Variants in MAPK13 observed in about 807,000 individuals in gnomAD.
MAPK13 encodes mitogen-activated protein kinase 13.
In MAPK13, 39 loss-of-function variants were observed where a neutral mutation model predicts 53.5. The ratio of observed to expected loss-of-function variants is 0.73; its 90% CI spans 0.56 to 0.95. MAPK13 has a LOEUF of 0.95. Ranked by LOEUF, MAPK13 falls within the 40% of genes least tolerant of loss-of-function variation. The pLI, the probability that MAPK13 is intolerant of heterozygous loss-of-function variation, is 0.00. For missense variants in MAPK13, 460 were observed against 471.8 expected (o/e 0.98, Z 0.23); for synonymous variants, 179 against 190.9 (o/e 0.94, Z 0.51).
At chr6:36,132,500 C>A in intron 2 of MAPK13, 121 bp from the exon 3 acceptor site, 1 of 828,234 alleles carries the variant, frequency 1.2e-6, no homozygotes, top group Non-Finnish European at 2.1e-6. Flanking sequence ...TGGAGACATG[C>A]CTCCTGCTGG....
At chr6:36,139,262 T>A in intron 11 of MAPK13, 32 bp from the exon 12 acceptor site, 2 of 1,601,124 alleles carry the variant, frequency 1.2e-6, no homozygotes, top group Non-Finnish European at 1.7e-6. Context: ...CAGCACCTCT[T>A]TACGCACCTT....
At chr6:36,139,144 C>G in intron 11 of MAPK13, 89 bp downstream of exon 11, 1 of 1,442,660 alleles carries the variant, frequency 6.9e-7, no homozygotes, top group East Asian at 2.3e-5. Context: ...TCTGCCAGCC[C>G]TACCTGCCAC....
intron 5 of MAPK13, 79 bp downstream of exon 5, chr6:36,136,127 G>A (rs1766412249): frequency 8.9e-6 from 14 of 1,566,672 alleles, no homozygotes; most frequent in Non-Finnish European, 1.2e-5. Context: ...ATCAAGGAGT[G>A]GGAAAGTTGG....
rs1194799574 is a variant in MAPK13, at chr6:36,144,175, G to GAAT, written c.*4807_*4809dup. The stretch of plus-strand genomic sequence containing the variant: ...GCACCACCATGCCTGGCTAATTTCA[G>GAAT]AATAATATTTTCATACACATAAAAT... On this transcript the variant is annotated 3_prime_UTR_variant, in exon 12 of 12. Coordinates refer to ENST00000211287, the MANE Select transcript of MAPK13 (RefSeq NM_002754.5). The GAAT allele has an allele frequency of 1.3e-5, 2 of 152,014 alleles. No individual in the cohort carries two copies. The highest frequency in any genetic ancestry group is 4.8e-5 in the African/African-American group (2 of 41,362). 9.4% of individuals were successfully genotyped at this position (152,014 alleles called of 1,614,324 possible). A position where few individuals can be genotyped will look rare whatever the true frequency, so the allele number is the denominator to read the frequency against.
At position 36,131,414 on chromosome 6, in the gene MAPK13, GCCC is replaced by G. The variant is rs769357271; in HGVS notation, c.249+16_249+18del. ...CAGCATGAGAACGTAGGTGGTGGCT[GCCC>G]CGGGGAGGGGGTGGGGGCTGCCCTG... On this transcript the variant is annotated intron_variant, in intron 2 of 11. Transcript: ENST00000211287. 1 of 1,607,498 alleles carries G rather than the reference GCCC, an allele frequency of 6.2e-7. No homozygotes were observed. The highest frequency in any genetic ancestry group is 1.7e-5 in the Admixed American group (1 of 59,662).
At position 36,135,862 on chromosome 6, in the gene MAPK13, G is replaced by A; in HGVS notation, c.417+1G>A. The A allele has an allele frequency of 6.2e-7, 1 of 1,612,236 alleles. No individual in the cohort carries two copies. The highest frequency in any genetic ancestry group is 8.5e-7 in the Non-Finnish European group (1 of 1,178,332). ...GTATCAGATGCTCAAAGGCCTTAAG[G>A]TGGGTGGGGACTTGGAGGCTGGCAG... is the stretch of plus-strand genomic sequence containing the variant. On this transcript the variant is annotated splice_donor_variant, in intron 4 of 11. Transcript: ENST00000211287. LOFTEE classifies it high-confidence loss of function.
intron 8 of MAPK13, 71 bp from the exon 9 acceptor site, chr6:36,138,294 T>G: frequency 2.6e-6 from 3 of 1,164,880 alleles, no homozygotes; most frequent in Non-Finnish European, 3.9e-6. Flanking sequence ...GGTGAAGTGA[T>G]GGTGGGGTCG....
In MAPK13 at chr6:36,130,773, G is replaced by A; in HGVS notation, c.119+72G>A. On this transcript the variant is annotated intron_variant, in intron 1 of 11. Coordinates refer to ENST00000211287, the MANE Select transcript of MAPK13 (RefSeq NM_002754.5). This position sits in a 1 kb window ranked among gnomAD's most constrained non-coding sequence, Gnocchi z 4.5. ...TCCCCTTTCCGCCCAGCCCGCCCTG[G>A]GCTGGCCCCTCGCCAGCGCCACCTT... 1.2e-6 allele frequency: 1 copy of A among 825,600 alleles called. No homozygotes were observed. The highest frequency in any genetic ancestry group is 1.8e-6 in the Non-Finnish European group (1 of 552,328). 51.1% of individuals were successfully genotyped at this position (825,600 alleles called of 1,614,324 possible). A position where few individuals can be genotyped will look rare whatever the true frequency, so the allele number is the denominator to read the frequency against.
rs779488057 is a variant in MAPK13 at position 36,136,008 on chromosome 6, C to G, written c.418-11C>G. On this transcript the variant is annotated splice_polypyrimidine_tract_variant and intron_variant, in intron 4 of 11. Coordinates refer to ENST00000211287, the MANE Select transcript of MAPK13 (RefSeq NM_002754.5). ...GGGCCATGGACTCACCCTTCTCTCTCTCCCACATAGTACATCCACTCTGCT... is the reference window on the plus strand; with the variant it reads ...GGGCCATGGACTCACCCTTCTCTCTGTCCCACATAGTACATCCACTCTGCT... 5.6e-6 allele frequency: 9 copies of G among 1,613,958 alleles called. No individual in the cohort carries two copies. The highest frequency in any genetic ancestry group is 1.6e-4 in the Middle Eastern group (1 of 6,076).
rs1355549058 is a variant in MAPK13 at position 36,141,264 on chromosome 6, G to C, written c.*1891G>C. 2 of 152,212 alleles carry C rather than the reference G, an allele frequency of 1.3e-5. No individual in the cohort carries two copies. Among genetic ancestry groups the C allele is most frequent in the Admixed American group, 1.3e-4 (2 of 15,286 alleles). The allele number at this position is 152,212 out of a possible 1,614,324, so 9.4% of individuals were successfully genotyped here. A position where few individuals can be genotyped will look rare whatever the true frequency, so the allele number is the denominator to read the frequency against. On this transcript the variant is annotated 3_prime_UTR_variant, in exon 12 of 12. Coordinates refer to ENST00000211287, the MANE Select transcript of MAPK13 (RefSeq NM_002754.5). ...ATGTATCAGTATTGGTTCATAAATT[G>C]TAACAATTGTGCCACACTAATGCAA...
rs1766428552 is a variant in MAPK13, at chr6:36,136,868, T to G, written c.611-11T>G. Reference sequence around the variant, plus strand: ...CAGACAGTCCAGGTGACACTCTCCCTCCCTCTGCAGTGGACATCTGGTCTG... The same window carrying G: ...CAGACAGTCCAGGTGACACTCTCCCGCCCTCTGCAGTGGACATCTGGTCTG... On this transcript the variant is annotated splice_polypyrimidine_tract_variant and intron_variant, in intron 7 of 11. Coordinates refer to ENST00000211287, the MANE Select transcript of MAPK13 (RefSeq NM_002754.5). The G allele has an allele frequency of 6.2e-7, 1 of 1,613,738 alleles. No individual in the cohort carries two copies. Among genetic ancestry groups the G allele is most frequent in the Non-Finnish European group, 8.5e-7 (1 of 1,179,762 alleles).
rs777227831 is a variant in MAPK13, at chr6:36,132,658, C to T, written c.287C>T (p.Ser96Phe). The T allele has an allele frequency of 5.0e-6, 8 of 1,614,212 alleles. No homozygotes were observed. In the Middle Eastern group the frequency reaches 4.9e-4, roughly 100 times the overall value. The change falls in exon 3 of 12, where the codon TCC becomes TTC. Residue 96 changes from serine (S) to phenylalanine (F), a missense_variant. Ser to Phe is a radical substitution (Grantham distance 155, BLOSUM62 -2). Transcript: ENST00000211287. ...CTGGATGTCTTCACCCCAGCCTCCT[C>T]CCTGCGCAACTTCTATGACTTGTGA... Reference protein sequence around the residue: ...GLLDVFTPASSLRNFYDFYLV... With the variant: ...GLLDVFTPASFLRNFYDFYLV...
rs561092120 is a variant in MAPK13, at chr6:36,130,701, G to T, written c.119G>T (p.Cys40Phe). ...GGCAGCGGGGCCTATGGCTCCGTGT[G>T]GTGAGACCCCTGGGCCGCTGGGGGG... ...HVGSGAYGSV[C>F]SAIDKRSGEK... is the part of the protein sequence containing the mutation. The change falls in exon 1 of 12, where the codon TGC becomes TTC. Residue 40 changes from cysteine (C) to phenylalanine (F), a missense_variant and splice_region_variant. By Grantham distance (205) the Cys-to-Phe change is radical (BLOSUM62 -2). Transcript: ENST00000211287. This position sits in a 1 kb window ranked among gnomAD's most constrained non-coding sequence, Gnocchi z 4.5. The T allele has an allele frequency of 5.4e-6, 6 of 1,106,556 alleles. No homozygotes were observed. Among genetic ancestry groups the T allele is most frequent in the Non-Finnish European group, 7.7e-6 (6 of 774,328 alleles). The allele number at this position is 1,106,556 out of a possible 1,614,324, so 68.5% of individuals were successfully genotyped here. A position where few individuals can be genotyped will look rare whatever the true frequency, so the allele number is the denominator to read the frequency against.
intron 8 of MAPK13, among the ~76,000 whole-genome samples, chr6:36,138,114 T>G (rs1024840998): frequency 1.3e-4 from 20 of 152,082 alleles, no homozygotes; most frequent in African/African-American, 4.8e-4. Flanking sequence ...AAAGAGTCAC[T>G]GGGATGAAGG....
At position 36,141,632 on chromosome 6, in the gene MAPK13, A is replaced by C. The variant is rs2057585922; in HGVS notation, c.*2259A>C. 6.5e-6 allele frequency: 1 copy of C among 152,692 alleles called. No homozygotes were observed. Among genetic ancestry groups the C allele is most frequent in the South Asian group, 2.1e-4 (1 of 4,840 alleles). 9.5% of individuals were successfully genotyped at this position (152,692 alleles called of 1,614,324 possible). ...GGTTGCAGTGAGCTGAGATCACACC[A>C]CTGCACTCCAGCCTGGGTGACAGAG... On this transcript the variant is annotated 3_prime_UTR_variant, in exon 12 of 12. Transcript: ENST00000211287.
rs772566843 is a variant in MAPK13, at chr6:36,131,368, C to G, written c.217C>G (p.Leu73Val). Residue 73 changes from leucine to valine, a missense_variant, in exon 2 of 12, where the codon CTG (leucine) becomes GTG (valine). By Grantham distance (32) the Leu-to-Val change is conservative. Transcript: ENST00000211287. Reference sequence around the variant, plus strand: ...CTTCGCCAAGCGCGCCTACCGGGAGCTGCTGCTGCTGAAGCACATGCAGCA... The same window carrying G: ...CTTCGCCAAGCGCGCCTACCGGGAGGTGCTGCTGCTGAAGCACATGCAGCA... ...EIFAKRAYRE[L>V]LLLKHMQHEN... 6.2e-6 allele frequency: 10 copies of G among 1,613,208 alleles called. No individual in the cohort carries two copies. The East Asian group carries it at 8.9e-5, about 14-fold the overall frequency.
In MAPK13 at chr6:36,138,977, C is replaced by G; in HGVS notation, c.940C>G (p.Pro314Ala). ...THPFFEPFRD[P>A]EEETEAQQPF... Reference sequence around the variant, plus strand: ...TCCCTTCTTTGAACCCTTCCGGGACCCTGAGGAAGAGACGGAGGCCCAGCA... The same window carrying G: ...TCCCTTCTTTGAACCCTTCCGGGACGCTGAGGAAGAGACGGAGGCCCAGCA... The change falls in exon 11 of 12, where the codon CCT becomes GCT. Residue 314 changes from proline (P) to alanine (A), a missense_variant. By Grantham distance (27) the Pro-to-Ala change is conservative. Transcript: ENST00000211287. The G allele has an allele frequency of 6.2e-7, 1 of 1,613,878 alleles. No homozygotes were observed. The highest frequency in any genetic ancestry group is 1.3e-5 in the African/African-American group (1 of 75,030).
rs1766412459 is a variant in MAPK13, at chr6:36,136,134, T to C, written c.447+86T>C. Reference sequence around the variant, plus strand: ...CTCTGGCAATCAAGGAGTGGGAAAGTTGGAGGGAGGGGACACTGCCCAGGA... The same window carrying C: ...CTCTGGCAATCAAGGAGTGGGAAAGCTGGAGGGAGGGGACACTGCCCAGGA... On this transcript the variant is annotated intron_variant, in intron 5 of 11. Transcript: ENST00000211287. The C allele has an allele frequency of 1.9e-6, 3 of 1,539,000 alleles. 1 individual carries two copies. The African/African-American group carries it at 4.1e-5, about 21-fold the overall frequency.
At position 36,138,998 on chromosome 6, in the gene MAPK13, C is replaced by G. The variant is rs1191935739; in HGVS notation, c.961C>G (p.Gln321Glu). Residue 321 changes from glutamine (Q) to glutamate (E), a missense_variant, in exon 11 of 12, where the codon CAG becomes GAG. By Grantham distance (29) the Gln-to-Glu change is conservative (BLOSUM62 2). Coordinates refer to ENST00000211287, the MANE Select transcript of MAPK13 (RefSeq NM_002754.5). The part of the protein sequence containing the change: ...FRDPEEETEA[Q>E]QPFDDSLEHE... ...GGACCCTGAGGAAGAGACGGAGGCC[C>G]AGCAGCCGTTTGATGATTCCTTAGA... 1 of 1,613,690 alleles carries G rather than the reference C, an allele frequency of 6.2e-7. No individual in the cohort carries two copies. Among genetic ancestry groups the G allele is most frequent in the Non-Finnish European group, 8.5e-7 (1 of 1,179,874 alleles).
Sources: gnomAD v4.1 joint callset for allele counts (sites outside exome capture counted in the v4.1 genomes callset) on GRCh38, gnomAD v4.1.1 for gene constraint, Gnocchi (gnomAD v3.1) non-coding constraint, MANE v1.5 for transcripts, NCBI Gene and HGNC (gene_info 2026-07-23, HGNC 2026-07-21) for gene names.